Variants in SPINK13 observed in about 807,000 individuals in gnomAD.
SPINK13 encodes the protein serine protease inhibitor Kazal-type 13.
Under a neutral mutation model 11.0 loss-of-function variants are expected in SPINK13, and 11 were observed. The ratio of observed to expected loss-of-function variants is 1.00; its 90% CI spans 0.63 to 1.65. The LOEUF is 1.65. Among genes scored for constraint, SPINK13 ranks in the 40% most tolerant of loss-of-function variants. SPINK13 has a pLI of 0.00. For synonymous variants in SPINK13, 31 were observed against 35.6 expected, an observed-to-expected ratio of 0.87 and a Z score of 0.46; for missense variants, 113 against 117.7, an observed-to-expected ratio of 0.96 and a Z score of 0.19.
chr5:148,275,249 C>T (rs1259167533), intron 3 of SPINK13, among the ~76,000 whole-genome samples: 1 of 152,130 alleles, frequency 6.6e-6, no homozygotes, highest in East Asian at 1.9e-4. Flanking sequence ...GTTTTCTGTT[C>T]CTGTGTTAAT....
At chr5:148,281,824 A>T (rs1416550621) in intron 3 of SPINK13, among the ~76,000 whole-genome samples, 1 of 152,222 alleles carries the variant, frequency 6.6e-6, no homozygotes, top group African/African-American at 2.4e-5. Flanking sequence ...TCACAAACAC[A>T]TAAGTATCTC....
Position 148,282,089 on chromosome 5 carries a change from G to T in SPINK13, c.109-15G>T, listed in dbSNP as rs1561753133. ...AGTGTATTATTTGTCACTTTATGGT[G>T]TCATGTATTTGCAGCCCCGATGTAA... On this transcript the variant is annotated splice_polypyrimidine_tract_variant and intron_variant, in intron 3 of 4. Transcript: ENST00000398450. 1 of 1,613,838 alleles carries T rather than the reference G, an allele frequency of 6.2e-7. No individual in the cohort carries two copies. Among genetic ancestry groups the T allele is most frequent in the East Asian group, 2.2e-5 (1 of 44,876 alleles).
chr5:148,283,605 A>G (rs899991222), intron 4 of SPINK13, among the ~76,000 whole-genome samples: 1 of 152,218 alleles, frequency 6.6e-6, no homozygotes, highest in Non-Finnish European at 1.5e-5. Flanking sequence ...AAATGTAAAA[A>G]TGTAAGTTAA....
chr5:148,284,835 T>G (rs750383218), intron 4 of SPINK13, among the ~76,000 whole-genome samples: 2 of 152,194 alleles, frequency 1.3e-5, no homozygotes, highest in Non-Finnish European at 2.9e-5. Context: ...TCATATTCTC[T>G]GTCCTTAATG....
chr5:148,279,656 G>T (rs1756483945), intron 3 of SPINK13, among the ~76,000 whole-genome samples: 1 of 152,196 alleles, frequency 6.6e-6, no homozygotes, highest in Admixed American at 6.5e-5. Context: ...TCCACTGTTA[G>T]TTTGATGGGC....
intron 1 of SPINK13, 100 bp downstream of exon 1, chr5:148,268,988 C>G (rs1756306869): frequency 6.6e-6 from 1 of 152,426 alleles, no homozygotes; most frequent in African/African-American, 2.4e-5. Context: ...TCCTCTAACA[C>G]CCTCCTTTTG....
Position 148,282,188 on chromosome 5 carries a change from G to A in SPINK13, c.193G>A (p.Gly65Ser), listed in dbSNP as rs762680856. 1.2e-6 allele frequency: 2 copies of A among 1,614,136 alleles called. No homozygotes were observed. Among genetic ancestry groups the A allele is most frequent in the South Asian group, 2.2e-5 (2 of 91,080 alleles). The change falls in exon 4 of 5, where the codon GGC (glycine) becomes AGC (serine). Residue 65 changes from glycine to serine, a missense_variant. Gly to Ser is a moderately conservative substitution (Grantham distance 56). Transcript: ENST00000398450. Reference protein sequence around the residue: ...NVTAPVCASNGHTFQNECFFC... With the variant: ...NVTAPVCASNSHTFQNECFFC... ...GACAGCACCTGTTTGTGCCTCAAAT[G>A]GCCACACTTTCCAGAATGAGTGTTT...
chr5:148,277,522 C>T (rs1756449204), intron 3 of SPINK13, among the ~76,000 whole-genome samples: 1 of 152,096 alleles, frequency 6.6e-6, no homozygotes. Flanking sequence ...TTTTCTGCAC[C>T]TATTGAGATA....
intron 4 of SPINK13, among the ~76,000 whole-genome samples, chr5:148,283,915 C>T (rs750581371): frequency 5.3e-5 from 8 of 152,110 alleles, no homozygotes; most frequent in Non-Finnish European, 7.4e-5. Flanking sequence ...CAATGTGGGC[C>T]GTGATCTGCC....
chr5:148,269,710 C>T (rs547775592), intron 1 of SPINK13, among the ~76,000 whole-genome samples: 3 of 152,090 alleles, frequency 2.0e-5, no homozygotes, highest in Non-Finnish European at 2.9e-5. Context: ...TAATTAACAG[C>T]GAGATAATTA....
Position 148,282,228 on chromosome 5 carries a change from A to G in SPINK13, c.233A>G (p.Gln78Arg), listed in dbSNP as rs1252471291. The change falls in exon 4 of 5, where the codon CAG becomes CGG. Residue 78 changes from glutamine to arginine, a missense_variant. Gln to Arg is a conservative substitution (Grantham distance 43, BLOSUM62 1). Coordinates refer to ENST00000398450, the MANE Select transcript of SPINK13 (RefSeq NM_001040129.3). ...FQNECFFCVE[Q>R]REFHYRIKFE... is the part of the protein sequence containing the mutation. ...AATGAGTGTTTCTTTTGTGTTGAAC[A>G]GAGGTAAGTTCAGAATAAAATGCCA... is the stretch of plus-strand genomic sequence containing the variant. 2 of 1,614,196 alleles carry G rather than the reference A, an allele frequency of 1.2e-6. No individual in the cohort carries two copies.
intron 3 of SPINK13, among the ~76,000 whole-genome samples, chr5:148,274,689 G>C (rs568561279): frequency 6.6e-6 from 1 of 152,250 alleles, no homozygotes; most frequent in African/African-American, 2.4e-5. Context: ...AAACTGCAGT[G>C]AGCCATAATG....
chr5:148,276,806 T>C (rs964644664), intron 3 of SPINK13, among the ~76,000 whole-genome samples: 5 of 152,260 alleles, frequency 3.3e-5, no homozygotes, highest in African/African-American at 1.2e-4. Context: ...TTTCTAATTA[T>C]GTGAAGAAAG....
At chr5:148,282,063 G>C (rs770305881) in intron 3 of SPINK13, 41 bp from the exon 4 acceptor site, 3 of 1,607,176 alleles carry the variant, frequency 1.9e-6, no homozygotes, top group Non-Finnish European at 2.6e-6. Flanking sequence ...AGATGGGAGA[G>C]AGTGTATTAT....
At chr5:148,270,408 C>A (rs1756333398) in intron 2 of SPINK13, among the ~76,000 whole-genome samples, 3 of 151,762 alleles carry the variant, frequency 2.0e-5, no homozygotes, top group South Asian at 2.1e-4. Flanking sequence ...TTATTGTAAG[C>A]AATATACAGT....
At chr5:148,269,843 A>G (rs1233109238) in intron 1 of SPINK13, among the ~76,000 whole-genome samples, 197 bp from the exon 2 acceptor site, 2 of 152,120 alleles carry the variant, frequency 1.3e-5, no homozygotes, top group Admixed American at 1.3e-4. Flanking sequence ...CAGAAAAAAA[A>G]AAGTCATTTT....
At chr5:148,283,178 C>T (rs563890599) in intron 4 of SPINK13, among the ~76,000 whole-genome samples, 9 of 152,146 alleles carry the variant, frequency 5.9e-5, no homozygotes, top group African/African-American at 1.7e-4. Context: ...GAAGCTCACC[C>T]AAGACTTGGT....
Position 148,286,199 on chromosome 5 carries a change from T to G in SPINK13, c.*151T>G, listed in dbSNP as rs1461803082. The G allele has an allele frequency of 2.4e-6, 1 of 417,868 alleles. No individual in the cohort carries two copies. The highest frequency in any genetic ancestry group is 4.3e-6 in the Non-Finnish European group (1 of 232,744). 25.9% of individuals were successfully genotyped at this position (417,868 alleles called of 1,614,324 possible). The stretch of plus-strand genomic sequence containing the variant: ...AGAGACAAAAATGAAGGAATCAAAC[T>G]GACAAGAACCAAATATCACATTTGT... On this transcript the variant is annotated 3_prime_UTR_variant, in exon 5 of 5. Coordinates refer to ENST00000398450, the MANE Select transcript of SPINK13 (RefSeq NM_001040129.3).
intron 2 of SPINK13, 113 bp downstream of exon 2, chr5:148,270,255 G>C: frequency 9.7e-7 from 1 of 1,030,302 alleles, no homozygotes; most frequent in South Asian, 1.5e-5. Context: ...ATGTAAGCCA[G>C]TGCAGTCCAA....
Sources: allele counts gnomAD v4.1 joint callset (sites outside exome capture counted in the v4.1 genomes callset), GRCh38; gene constraint gnomAD v4.1.1; transcripts MANE v1.5; gene names NCBI Gene and HGNC (gene_info 2026-07-23, HGNC 2026-07-21).